The following CBLL1 variants were observed in gnomAD, a reference collection of about 807,000 sequenced individuals.
The protein encoded by CBLL1 is Cbl proto-oncogene like 1, also known as E3 ubiquitin-protein ligase Hakai.
CBLL1 carries 4 observed loss-of-function variants against 44.9 expected under a neutral mutation model. The ratio of observed to expected loss-of-function variants is 0.09; its 90% CI spans 0.04 to 0.20. The LOEUF (loss-of-function observed/expected upper bound fraction) is 0.20, where lower values mean the gene tolerates loss of function less well. Ranked by LOEUF, CBLL1 falls within the 10% of genes least tolerant of loss-of-function variation. CBLL1 has a pLI of 1.00. For synonymous variants in CBLL1, 235 were observed against 202.2 expected, an observed-to-expected ratio of 1.16 and a Z score of -1.38; for missense variants, 569 against 636.7, an observed-to-expected ratio of 0.89 and a Z score of 1.14.
intron 1 of CBLL1, among the ~76,000 whole-genome samples, chr7:107,745,555 CA>C (rs1330858809): frequency 6.6e-6 from 1 of 152,112 alleles, no homozygotes; most frequent in Non-Finnish European, 1.5e-5. Context: ...AGCCATTGAA[CA>C]GAAGTGGAGG....
chr7:107,759,838 A>T lies in CBLL1; in HGVS notation c.*660A>T, dbSNP rs530687120. ...TTTTTAGGCAGCCTCAGGAGCACCA[A>T]AATACATTGGAATTCTAGTACTAAG... On this transcript the variant is annotated 3_prime_UTR_variant, in exon 6 of 6. Transcript: ENST00000440859. The T allele has an allele frequency of 1.3e-5, 2 of 152,312 alleles. No individual in the cohort carries two copies. Among genetic ancestry groups the T allele is most frequent in the Non-Finnish European group, 2.9e-5 (2 of 68,016 alleles). 9.4% of individuals were successfully genotyped at this position (152,312 alleles called of 1,614,324 possible). A position where few individuals can be genotyped will look rare whatever the true frequency, so the allele number is the denominator to read the frequency against.
intron 1 of CBLL1, among the ~76,000 whole-genome samples, chr7:107,745,339 C>T (rs1792959348): frequency 6.6e-6 from 1 of 152,024 alleles, no homozygotes; most frequent in African/African-American, 2.4e-5. Context: ...GAGAAGAACC[C>T]AGCCCTGGGA....
At chr7:107,751,904 A>G (rs1793309380) in intron 2 of CBLL1, among the ~76,000 whole-genome samples, 1 of 152,104 alleles carries the variant, frequency 6.6e-6, no homozygotes, top group African/African-American at 2.4e-5. Context: ...TTCTGGTTTG[A>G]AAAATTGAGT....
chr7:107,745,286 G>C (rs879361203), intron 1 of CBLL1, among the ~76,000 whole-genome samples: 2 of 152,136 alleles, frequency 1.3e-5, no homozygotes, highest in African/African-American at 2.4e-5. Flanking sequence ...TTTCAGAGAG[G>C]GTTGTTAGGA....
chr7:107,756,417 T>C (rs1022903361), intron 5 of CBLL1, among the ~76,000 whole-genome samples: 3 of 152,216 alleles, frequency 2.0e-5, no homozygotes, highest in African/African-American at 7.2e-5. Context: ...TTTATTAGCA[T>C]TTTAAAGTAA....
chr7:107,756,026 C>G (rs113329211), intron 5 of CBLL1, among the ~76,000 whole-genome samples: 3 of 152,084 alleles, frequency 2.0e-5, no homozygotes, highest in Non-Finnish European at 2.9e-5. Context: ...GCTCTTGTTA[C>G]TTTCAAATCT....
intron 2 of CBLL1, chr7:107,752,725 G>A (rs745877521): frequency 8.1e-5 from 32 of 395,440 alleles, no homozygotes; most frequent in Non-Finnish European, 1.3e-4. Context: ...CAGAGAAATT[G>A]AGCCCCTTTC....
intron 5 of CBLL1, among the ~76,000 whole-genome samples, chr7:107,757,835 A>G (rs1793598312): frequency 6.6e-6 from 1 of 152,088 alleles, no homozygotes; most frequent in Admixed American, 6.6e-5. Flanking sequence ...TGGCAAATGG[A>G]TGCAGAAGGT....
chr7:107,750,288 T>C (rs1225669999), intron 2 of CBLL1, among the ~76,000 whole-genome samples: 1 of 152,038 alleles, frequency 6.6e-6, no homozygotes, highest in African/African-American at 2.4e-5. Context: ...GAATTTTGTA[T>C]ACAAAATATT....
At position 107,755,433 on chromosome 7, in the gene CBLL1, G is replaced by GT; in HGVS notation, c.388dup (p.Cys130LeufsTer3). ...TTGTTTACAGATTCCATGCAAGCAT[G>GT]TTTTTTGCTATGACTGTGCTATTTT... On this transcript the variant is annotated frameshift_variant, in exon 5 of 6. Coordinates refer to ENST00000440859, the MANE Select transcript of CBLL1 (RefSeq NM_024814.4). LOFTEE classifies it high-confidence loss of function. The GT allele has an allele frequency of 6.3e-7, 1 of 1,580,016 alleles. No homozygotes were observed. The highest frequency in any genetic ancestry group is 8.6e-7 in the Non-Finnish European group (1 of 1,161,646).
At position 107,760,115 on chromosome 7, in the gene CBLL1, G is replaced by T. The variant is rs927234616; in HGVS notation, c.*937G>T. 1 of 152,228 alleles carries T rather than the reference G, an allele frequency of 6.6e-6. No individual in the cohort carries two copies. Among genetic ancestry groups the T allele is most frequent in the African/African-American group, 2.4e-5 (1 of 41,430 alleles). 9.4% of individuals were successfully genotyped at this position (152,228 alleles called of 1,614,324 possible). ...TCTGTTTTGTTCATTGTCTTAAACT[G>T]AATAGGGCTGAATAGGCTTTATGTA... On this transcript the variant is annotated 3_prime_UTR_variant, in exon 6 of 6. Transcript: ENST00000440859.
Position 107,759,222 on chromosome 7 carries a change from T to C in CBLL1, c.*44T>C, listed in dbSNP as rs773543641. The C allele has an allele frequency of 1.1e-4, 161 of 1,493,652 alleles. No individual in the cohort carries two copies. Among genetic ancestry groups the C allele is most frequent in the South Asian group, 2.8e-4 (22 of 77,584 alleles). The allele number at this position is 1,493,652 out of a possible 1,614,324, so 92.5% of individuals were successfully genotyped here. A position where few individuals can be genotyped will look rare whatever the true frequency, so the allele number is the denominator to read the frequency against. ...AAGATATGAGGGGGAAAAAAACTTA[T>C]GTGTAGTCAATCTTTTAAGCTTTGA... On this transcript the variant is annotated 3_prime_UTR_variant, in exon 6 of 6. Transcript: ENST00000440859.
Position 107,759,221 on chromosome 7 carries a change from A to G in CBLL1, c.*43A>G, listed in dbSNP as rs529240098. On this transcript the variant is annotated 3_prime_UTR_variant, in exon 6 of 6. Transcript: ENST00000440859. ...GAAGATATGAGGGGGAAAAAAACTT[A>G]TGTGTAGTCAATCTTTTAAGCTTTG... The G allele has an allele frequency of 1.2e-5, 18 of 1,491,952 alleles. No homozygotes were observed. Among genetic ancestry groups the G allele is most frequent in the Non-Finnish European group, 1.6e-5 (18 of 1,108,890 alleles). 92.4% of individuals were successfully genotyped at this position (1,491,952 alleles called of 1,614,324 possible). A position where few individuals can be genotyped will look rare whatever the true frequency, so the allele number is the denominator to read the frequency against.
chr7:107,758,280 C>T lies in CBLL1; in HGVS notation c.578C>T (p.Ala193Val). ...QAHINHRHMR[A>V]GKPVTRASLE... ...CATATCAACCATCGCCATATGAGAGCTGGAAAACCTGTTACCCGTGCTTCA... is the reference window on the plus strand; with the variant it reads ...CATATCAACCATCGCCATATGAGAGTTGGAAAACCTGTTACCCGTGCTTCA... The change falls in exon 6 of 6, where the codon GCT (alanine) becomes GTT (valine). Residue 193 changes from alanine to valine, a missense_variant. By Grantham distance (64) the Ala-to-Val change is moderately conservative. This residue lies in a region of CBLL1 where 16 missense variants were observed against 40.2 expected (regional missense o/e 0.40). Transcript: ENST00000440859. This position sits in a 1 kb window ranked among gnomAD's most constrained non-coding sequence, Gnocchi z 4.2. 2 of 1,614,124 alleles carry T rather than the reference C, an allele frequency of 1.2e-6. No homozygotes were observed. Among genetic ancestry groups the T allele is most frequent in the South Asian group, 2.2e-5 (2 of 91,078 alleles).
intron 2 of CBLL1, chr7:107,752,440 G>GTC (rs530008663): frequency 2.2e-5 from 8 of 366,334 alleles, no homozygotes; most frequent in Non-Finnish European, 2.9e-5. Flanking sequence ...ATGTGAATGT[G>GTC]TCTCTCTGTG....
chr7:107,757,982 G>A (rs1197267053), intron 5 of CBLL1, among the ~76,000 whole-genome samples, 161 bp from the exon 6 acceptor site: 1 of 152,138 alleles, frequency 6.6e-6, no homozygotes, highest in Non-Finnish European at 1.5e-5. Context: ...AACAAAGTAG[G>A]GAAGATTAAA....
In CBLL1 at chr7:107,754,123, C is replaced by T. The variant is rs1793428432; in HGVS notation, c.366+145C>T. On this transcript the variant is annotated intron_variant, in intron 4 of 5. Transcript: ENST00000440859. ...AATAACTAAGGGAAGTATTGGAATA[C>T]TATGAATTTAATATGATTATCTTGA... is the stretch of plus-strand genomic sequence containing the variant. 3 of 412,152 alleles carry T rather than the reference C, an allele frequency of 7.3e-6. No homozygotes were observed. In the South Asian group the frequency reaches 2.0e-4, roughly 27 times the overall value. 25.5% of individuals were successfully genotyped at this position (412,152 alleles called of 1,614,324 possible).
chr7:107,752,642 C>T, intron 2 of CBLL1: 1 of 1,166,990 alleles, frequency 8.6e-7, no homozygotes, highest in African/African-American at 1.6e-5. Flanking sequence ...CCTAGAATTC[C>T]CATCAGACTG....
Position 107,759,109 on chromosome 7 carries a change from G to A in CBLL1, c.1407G>A (p.Pro469=), listed in dbSNP as rs763187733. 5.9e-5 allele frequency: 96 copies of A among 1,613,800 alleles called. No individual in the cohort carries two copies. Among genetic ancestry groups the A allele is most frequent in the Middle Eastern group, 3.3e-4 (2 of 6,082 alleles). ...GPPPPPRLQG[P]PSQTPLPGPH... ...CACCACCTCCACGATTGCAGGGTCCGCCTTCTCAAACCCCACTTCCTGGAC... is the reference window on the plus strand; with the variant it reads ...CACCACCTCCACGATTGCAGGGTCCACCTTCTCAAACCCCACTTCCTGGAC... The change falls in exon 6 of 6, where the codon CCG becomes CCA. Residue 469 remains proline, a synonymous_variant. Coordinates refer to ENST00000440859, the MANE Select transcript of CBLL1 (RefSeq NM_024814.4).
Sources: gnomAD v4.1 joint callset for allele counts (sites outside exome capture counted in the v4.1 genomes callset) on GRCh38, gnomAD v4.1.1 for gene constraint, gnomAD v4.1.1 regional missense constraint, Gnocchi (gnomAD v3.1) non-coding constraint, MANE v1.5 for transcripts, NCBI Gene and HGNC (gene_info 2026-07-23, HGNC 2026-07-21) for gene names.